The following TRERF1 variants were observed in gnomAD, a reference collection of about 807,000 sequenced individuals.
The protein encoded by TRERF1 is transcriptional-regulating factor 1.
In TRERF1, 27 loss-of-function variants were observed where a neutral mutation model predicts 122.9. The observed-to-expected ratio is 0.22, with a 90% CI of 0.16 to 0.30. The LOEUF (loss-of-function observed/expected upper bound fraction) is 0.30, where lower values mean the gene tolerates loss of function less well. TRERF1 is among the 10% of genes least tolerant of loss of function. The probability of loss-of-function intolerance (pLI) is 1.00; values close to 1 mark genes in which losing one functional copy is unlikely to be tolerated. For missense variants in TRERF1, 1,248 were observed against 1,560.3 expected, an observed-to-expected ratio of 0.80 and a Z score of 3.37; for synonymous variants, 636 against 641.7, an observed-to-expected ratio of 0.99 and a Z score of 0.13.
chr6:42,399,019 A>G (rs1446826694), intron 2 of TRERF1, among the ~76,000 whole-genome samples: 1 of 152,112 alleles, frequency 6.6e-6, no homozygotes, highest in Non-Finnish European at 1.5e-5. Context: ...CAGTTTCTCC[A>G]TCTCACCACC....
intron 15 of TRERF1, among the ~76,000 whole-genome samples, chr6:42,240,881 T>C (rs901740439): frequency 6.6e-6 from 1 of 151,732 alleles, no homozygotes; most frequent in Non-Finnish European, 1.5e-5. Flanking sequence ...GAGGAGAGCA[T>C]ACTGTTTTTT....
At chr6:42,321,219 C>G (rs970953484) in intron 3 of TRERF1, among the ~76,000 whole-genome samples, 5 of 151,470 alleles carry the variant, frequency 3.3e-5, no homozygotes, top group Admixed American at 2.6e-4. Context: ...CCCTGAGACC[C>G]CCCTAAACCC....
chr6:42,288,574 C>CAAAAAA lies in TRERF1; in HGVS notation c.-259+12058_-259+12063dup, dbSNP rs3074797. On this transcript the variant is annotated intron_variant, in intron 4 of 17. Coordinates refer to ENST00000372922, the Ensembl canonical transcript of TRERF1. Reference sequence around the variant, plus strand: ...CAAGAGCGAAACTCCATCTCAAAACCAAAAAAAAAAAAAAAAAAAAAAGAG... The same window carrying CAAAAAA: ...CAAGAGCGAAACTCCATCTCAAAACCAAAAAAAAAAAAAAAAAAAAAAAAAAAAGAG... 1.7e-4 allele frequency among the ~76,000 whole-genome samples: 15 copies of CAAAAAA among 86,496 alleles called. 1 individual carries two copies. Among genetic ancestry groups the CAAAAAA allele is most frequent in the African/African-American group, 3.9e-4 (8 of 20,524 alleles). The allele number at this position is 86,496 out of a possible 152,430, so 56.7% of individuals were successfully genotyped here. A position where few individuals can be genotyped will look rare whatever the true frequency, so the allele number is the denominator to read the frequency against.
chr6:42,259,818 A>G lies in TRERF1; in HGVS notation c.1885-95T>C. 6.5e-7 allele frequency: 1 copy of G among 1,540,248 alleles called. No individual in the cohort carries two copies. The highest frequency in any genetic ancestry group is 8.7e-7 in the Non-Finnish European group (1 of 1,149,232). Reference sequence around the variant, plus strand: ...GAAGGGGGCCTTCTACTGTCTAAGCAGAGAGCCCTTCTGCTTGACCCCCCC... The same window carrying G: ...GAAGGGGGCCTTCTACTGTCTAAGCGGAGAGCCCTTCTGCTTGACCCCCCC... On this transcript the variant is annotated intron_variant, in intron 8 of 17. Transcript: ENST00000372922. The surrounding 1 kb of genome is among the most constrained non-coding windows in gnomAD (Gnocchi z 4.9).
chr6:42,269,526 T>TGGTA lies in TRERF1; in HGVS notation c.61_64dup (p.Gln22LeufsTer95), dbSNP rs1420237397. ...GCTGTGGACGCCAAGTGGTGGCTGTTGGTAGAAAAGGTTCTCACTACCATG... is the reference window on the plus strand; with the variant it reads ...GCTGTGGACGCCAAGTGGTGGCTGTTGGTAGGTAGAAAAGGTTCTCACTACCATG... On this transcript the variant is annotated frameshift_variant, in exon 5 of 18. Transcript: ENST00000372922. LOFTEE classifies it high-confidence loss of function. The surrounding 1 kb of genome is among the most constrained non-coding windows in gnomAD (Gnocchi z 4.9). 1 of 1,614,206 alleles carries TGGTA rather than the reference T, an allele frequency of 6.2e-7. No homozygotes were observed. The highest frequency in any genetic ancestry group is 8.5e-7 in the Non-Finnish European group (1 of 1,180,030).
chr6:42,239,887 T>C (rs1773249831), intron 15 of TRERF1, among the ~76,000 whole-genome samples: 1 of 151,978 alleles, frequency 6.6e-6, no homozygotes, highest in Non-Finnish European at 1.5e-5. Context: ...GCCTGAGTCA[T>C]CTCTGCACAT....
At position 42,303,638 on chromosome 6, in the gene TRERF1, G is replaced by A. The variant is rs140835972; in HGVS notation, c.-370-2889C>T. On this transcript the variant is annotated intron_variant, in intron 3 of 17. Transcript: ENST00000372922. Reference sequence around the variant, plus strand: ...ATTAAAGATGTACAGGTTTGGCTGCGCACAGTGGGTCCCACCTGTAATCCC... The same window carrying A: ...ATTAAAGATGTACAGGTTTGGCTGCACACAGTGGGTCCCACCTGTAATCCC... Among the ~76,000 whole-genome samples, 854 of 152,196 alleles carry A rather than the reference G, an allele frequency of 5.6e-3. 6 individuals carry two copies. Among genetic ancestry groups the A allele is most frequent in the Non-Finnish European group, 9.5e-3 (649 of 67,996 alleles).
intron 2 of TRERF1, among the ~76,000 whole-genome samples, chr6:42,436,800 C>CAAAAAAAAA (rs775861205): frequency 2.6e-4 from 20 of 77,538 alleles, no homozygotes; most frequent in African/African-American, 1.3e-3. Context: ...TCTCCCTCTA[C>CAAAAAAAAA]AAAAAAAAAA....
rs889879416 is a variant in TRERF1, at chr6:42,262,559, G to C, written c.1884+761C>G. Among the ~76,000 whole-genome samples, 20 of 141,282 alleles carry C rather than the reference G, an allele frequency of 1.4e-4. 1 individual carries two copies. Among genetic ancestry groups the C allele is most frequent in the African/African-American group, 5.2e-4 (20 of 38,356 alleles). 92.7% of individuals were successfully genotyped at this position (141,282 alleles called of 152,430 possible). ...AGAGAGAGAGAGAGAGAGAGAGAGAGAGAGAGAGAGAGAGAGAGAGAGAGA... is the reference window on the plus strand; with the variant it reads ...AGAGAGAGAGAGAGAGAGAGAGAGACAGAGAGAGAGAGAGAGAGAGAGAGA... On this transcript the variant is annotated intron_variant, in intron 8 of 17. Coordinates refer to ENST00000372922, the Ensembl canonical transcript of TRERF1.
At position 42,262,612 on chromosome 6, in the gene TRERF1, A is replaced by AGAGAGAGAGAGAGAGAGAAAGAG. The variant is rs1169414320; in HGVS notation, c.1884+707_1884+708insCTCTTTCTCTCTCTCTCTCTCTC. Among the ~76,000 whole-genome samples, 2 of 116,220 alleles carry AGAGAGAGAGAGAGAGAGAAAGAG rather than the reference A, an allele frequency of 1.7e-5. 1 individual carries two copies. Among genetic ancestry groups the AGAGAGAGAGAGAGAGAGAAAGAG allele is most frequent in the Non-Finnish European group, 3.6e-5 (2 of 55,042 alleles). 76.2% of individuals were successfully genotyped at this position (116,220 alleles called of 152,430 possible). A position where few individuals can be genotyped will look rare whatever the true frequency, so the allele number is the denominator to read the frequency against. The stretch of plus-strand genomic sequence containing the variant: ...GAGAGAGAGAGAGACAGACAGACGG[A>AGAGAGAGAGAGAGAGAGAAAGAG]AACCCTTCCCAGAGGCAAATTAAGC... On this transcript the variant is annotated intron_variant, in intron 8 of 17. Transcript: ENST00000372922.
intron 2 of TRERF1, among the ~76,000 whole-genome samples, chr6:42,428,605 A>G (rs1230345573): frequency 6.6e-6 from 1 of 152,214 alleles, no homozygotes; most frequent in Non-Finnish European, 1.5e-5. Context: ...AGACTGGCCT[A>G]TCCCCATAGT....
chr6:42,412,000 C>CTTTTT (rs5875801), intron 2 of TRERF1, among the ~76,000 whole-genome samples: 3 of 125,280 alleles, frequency 2.4e-5, no homozygotes, highest in African/African-American at 3.1e-5. Flanking sequence ...TTAAAAAATC[C>CTTTTT]TTTTTTTTTT....
chr6:42,258,161 A>T, exon 10 of TRERF1: 1 of 1,614,242 alleles, frequency 6.2e-7, no homozygotes, highest in Non-Finnish European at 8.5e-7. Context: ...TCTGCTCTCC[A>T]GGCCCTGGGG....
chr6:42,448,270 G>A (rs1314312843), intron 2 of TRERF1, among the ~76,000 whole-genome samples: 1 of 152,110 alleles, frequency 6.6e-6, no homozygotes, highest in Non-Finnish European at 1.5e-5. Context: ...CCTTAGACTT[G>A]ACCAAGGATT....
intron 2 of TRERF1, among the ~76,000 whole-genome samples, chr6:42,364,511 G>C (rs1267758078): frequency 6.6e-6 from 1 of 152,234 alleles, no homozygotes; most frequent in Admixed American, 6.5e-5. Flanking sequence ...AATAGCTGTT[G>C]AAAGACTTTG....
chr6:42,360,279 G>A (rs1308061811), intron 3 of TRERF1, among the ~76,000 whole-genome samples: 1 of 152,186 alleles, frequency 6.6e-6, no homozygotes, highest in Non-Finnish European at 1.5e-5. Flanking sequence ...CCTCATTACT[G>A]TAATTTAATC....
chr6:42,309,306 A>G (rs552974925), intron 3 of TRERF1, among the ~76,000 whole-genome samples: 1 of 152,338 alleles, frequency 6.6e-6, no homozygotes, highest in African/African-American at 2.4e-5. Flanking sequence ...TGCAAGGTAG[A>G]AATGATCTCT....
Position 42,263,242 on chromosome 6 carries a change from GGCAGA to G in TRERF1, c.1884+73_1884+77del. On this transcript the variant is annotated intron_variant, in intron 8 of 17. Transcript: ENST00000372922. The surrounding 1 kb of genome is among the most constrained non-coding windows in gnomAD (Gnocchi z 5.6). ...GGGATGTCCCCACCCAGGCAGGTGG[GGCAGA>G]GCAGCAACTCACAGCAGGCGTGCGG... The G allele has an allele frequency of 1.7e-5, 25 of 1,511,774 alleles. No individual in the cohort carries two copies. Among genetic ancestry groups the G allele is most frequent in the Non-Finnish European group, 2.0e-5 (23 of 1,123,518 alleles). 93.6% of individuals were successfully genotyped at this position (1,511,774 alleles called of 1,614,324 possible). A position where few individuals can be genotyped will look rare whatever the true frequency, so the allele number is the denominator to read the frequency against.
At chr6:42,308,309 C>T (rs1341374101) in intron 3 of TRERF1, among the ~76,000 whole-genome samples, 1 of 152,202 alleles carries the variant, frequency 6.6e-6, no homozygotes, top group Non-Finnish European at 1.5e-5. Flanking sequence ...AACACTAATA[C>T]ATGCAACAAC....
Sources: gnomAD v4.1 joint callset for allele counts (sites outside exome capture counted in the v4.1 genomes callset) on GRCh38, gnomAD v4.1.1 for gene constraint, Gnocchi (gnomAD v3.1) non-coding constraint, MANE v1.5 for transcripts, NCBI Gene and HGNC (gene_info 2026-07-23, HGNC 2026-07-21) for gene names.